The following GSK3B variants were observed in gnomAD, a reference collection of about 807,000 sequenced individuals.
GSK3B encodes the protein glycogen synthase kinase-3 beta.
In GSK3B, 15 loss-of-function variants were observed where a neutral mutation model predicts 56.4. The ratio of observed to expected loss-of-function variants is 0.27; its 90% CI spans 0.18 to 0.41. The LOEUF (loss-of-function observed/expected upper bound fraction) is 0.41, where lower values mean the gene tolerates loss of function less well. Among genes scored for constraint, GSK3B ranks in the 10% least tolerant of loss-of-function variants. The probability of loss-of-function intolerance (pLI) is 1.00; values close to 1 mark genes in which losing one functional copy is unlikely to be tolerated. For missense variants in GSK3B, 300 were observed against 513.4 expected (o/e 0.58, Z 4.02); for synonymous variants, 181 against 188.9 (o/e 0.96, Z 0.34).
intron 7 of GSK3B, among the ~76,000 whole-genome samples, chr3:119,900,401 A>T (rs2056613473): frequency 6.6e-6 from 1 of 152,156 alleles, no homozygotes. Flanking sequence ...ATTTAAAATT[A>T]AAAAATTCTA....
intron 1 of GSK3B, among the ~76,000 whole-genome samples, chr3:120,025,435 G>T (rs1321127750): frequency 6.6e-6 from 1 of 152,122 alleles, no homozygotes; most frequent in Non-Finnish European, 1.5e-5. Context: ...TAATGGCAGG[G>T]AAGAAAGGAA....
At chr3:119,829,209 C>G (rs1255712284) in intron 10 of GSK3B, among the ~76,000 whole-genome samples, 1 of 152,104 alleles carries the variant, frequency 6.6e-6, no homozygotes, top group Non-Finnish European at 1.5e-5. Flanking sequence ...TTCCTCCAAG[C>G]CTTTCTCAGA....
chr3:120,081,533 G>C (rs541725648), intron 1 of GSK3B, among the ~76,000 whole-genome samples: 1 of 152,234 alleles, frequency 6.6e-6, no homozygotes, highest in South Asian at 2.1e-4. Context: ...GCAACAGAGC[G>C]AGACTCCATC....
At chr3:120,005,655 A>G (rs1354547493) in intron 1 of GSK3B, among the ~76,000 whole-genome samples, 1 of 152,228 alleles carries the variant, frequency 6.6e-6, no homozygotes, top group East Asian at 1.9e-4. Flanking sequence ...TTCAACCCAG[A>G]ATTTCATATC....
intron 1 of GSK3B, among the ~76,000 whole-genome samples, chr3:120,069,496 A>T (rs1291939815): frequency 6.6e-6 from 1 of 152,204 alleles, no homozygotes; most frequent in African/African-American, 2.4e-5. Flanking sequence ...AATTCTACTG[A>T]ATACAGCTGT....
chr3:119,893,755 C>T (rs1207653285), intron 7 of GSK3B, among the ~76,000 whole-genome samples: 1 of 151,994 alleles, frequency 6.6e-6, no homozygotes, highest in Non-Finnish European at 1.5e-5. Flanking sequence ...GATGGTACAA[C>T]TCTGAGAAAC....
intron 2 of GSK3B, among the ~76,000 whole-genome samples, chr3:119,957,330 CA>C (rs1231470950): frequency 7.9e-5 from 12 of 152,270 alleles, no homozygotes; most frequent in African/African-American, 2.2e-4. Context: ...CTACTTTTCC[CA>C]ATCAGTTACA....
chr3:120,094,406 G>A lies in GSK3B; in HGVS notation c.-972C>T, dbSNP rs2107592647. 1 of 322,990 alleles carries A rather than the reference G, an allele frequency of 3.1e-6. No homozygotes were observed. Among genetic ancestry groups the A allele is most frequent in the Non-Finnish European group, 5.7e-6 (1 of 174,878 alleles). 20.0% of individuals were successfully genotyped at this position (322,990 alleles called of 1,614,324 possible). Reference sequence around the variant, plus strand: ...CCCGGGCGGCGGCGGCGGCGGCGGCGGCACAAGCCCGCATTCGCCCGGGTC... The same window carrying A: ...CCCGGGCGGCGGCGGCGGCGGCGGCAGCACAAGCCCGCATTCGCCCGGGTC... On this transcript the variant is annotated 5_prime_UTR_variant, in exon 1 of 11. Coordinates refer to ENST00000264235, the MANE Select transcript of GSK3B (RefSeq NM_001146156.2).
intron 1 of GSK3B, among the ~76,000 whole-genome samples, chr3:120,076,147 G>T (rs2058365437): frequency 6.6e-6 from 1 of 152,046 alleles, no homozygotes; most frequent in South Asian, 2.1e-4. Context: ...GGGAAAAATG[G>T]ATTTCCACAT....
At chr3:119,942,316 GA>G (rs1295686687) in intron 3 of GSK3B, among the ~76,000 whole-genome samples, 5 of 151,386 alleles carry the variant, frequency 3.3e-5, no homozygotes, top group Non-Finnish European at 5.9e-5. Flanking sequence ...TTTATTTTTT[GA>G]GACGGAGTTT....
intron 4 of GSK3B, among the ~76,000 whole-genome samples, chr3:119,922,216 A>AGGAAGGAGGGAG (rs1559837838): frequency 1.9e-4 from 19 of 101,884 alleles, no homozygotes; most frequent in African/African-American, 6.0e-4. Context: ...GAGGGAAGGA[A>AGGAAGGAGGGAG]GGAAGGAAGG....
At chr3:120,088,629 C>T (rs1310032931) in intron 1 of GSK3B, among the ~76,000 whole-genome samples, 1 of 152,172 alleles carries the variant, frequency 6.6e-6, no homozygotes, top group African/African-American at 2.4e-5. Context: ...TCCACCACCA[C>T]CACCCCACAC....
chr3:119,984,082 TG>T (rs2057490171), intron 2 of GSK3B, among the ~76,000 whole-genome samples: 1 of 152,210 alleles, frequency 6.6e-6, no homozygotes, highest in South Asian at 2.1e-4. Context: ...GCATGGAAAC[TG>T]AACAACTTGC....
intron 7 of GSK3B, among the ~76,000 whole-genome samples, chr3:119,897,728 ACAAT>A (rs757291239): frequency 2.7e-5 from 4 of 150,740 alleles, no homozygotes; most frequent in Admixed American, 6.6e-5. Context: ...ACCAACTAAC[ACAAT>A]CAGTCAGTCA....
At chr3:119,841,014 C>A (rs1035627942) in intron 10 of GSK3B, among the ~76,000 whole-genome samples, 4 of 152,124 alleles carry the variant, frequency 2.6e-5, no homozygotes, top group African/African-American at 9.7e-5. Flanking sequence ...CTGAAATATC[C>A]TCTTCGGTAA....
intron 3 of GSK3B, among the ~76,000 whole-genome samples, chr3:119,943,935 GA>G (rs1192049581): frequency 6.6e-6 from 1 of 152,010 alleles, no homozygotes; most frequent in East Asian, 1.9e-4. Context: ...AGCCTACAGT[GA>G]AAGGTTGAGG....
intron 1 of GSK3B, among the ~76,000 whole-genome samples, chr3:120,081,591 T>A (rs145594080): frequency 2.0e-5 from 3 of 152,064 alleles, no homozygotes; most frequent in Non-Finnish European, 2.9e-5. Context: ...ATTTCTTACA[T>A]CAAAACTTAA....
At chr3:119,993,316 G>A (rs2107469799) in intron 2 of GSK3B, among the ~76,000 whole-genome samples, 1 of 152,066 alleles carries the variant, frequency 6.6e-6, no homozygotes, top group East Asian at 1.9e-4. Context: ...CCATGTTAGT[G>A]TTTCACAGAA....
intron 3 of GSK3B, among the ~76,000 whole-genome samples, chr3:119,924,468 T>C (rs1038816501): frequency 6.6e-6 from 1 of 152,204 alleles, no homozygotes; most frequent in African/African-American, 2.4e-5. Flanking sequence ...ATATTATCAG[T>C]GGCCACAGCA....
Sources: gnomAD v4.1 joint callset for allele counts (sites outside exome capture counted in the v4.1 genomes callset) on GRCh38, gnomAD v4.1.1 for gene constraint, MANE v1.5 for transcripts, NCBI Gene and HGNC (gene_info 2026-07-23, HGNC 2026-07-21) for gene names.